Variants in EYA1 observed in about 807,000 individuals in gnomAD.
EYA1 encodes the protein EYA transcriptional coactivator and phosphatase 1, also known as protein phosphatase EYA1.
In EYA1, 16 loss-of-function variants were observed where a neutral mutation model predicts 82.0. That is an observed-to-expected ratio of 0.20 (90% CI 0.13 to 0.30). EYA1 has a LOEUF of 0.30. EYA1 is among the 10% of genes least tolerant of loss of function. The pLI, the probability that EYA1 is intolerant of heterozygous loss-of-function variation, is 1.00. For synonymous variants in EYA1, 261 were observed against 264.4 expected, an observed-to-expected ratio of 0.99 and a Z score of 0.12; for missense variants, 633 against 730.7, an observed-to-expected ratio of 0.87 and a Z score of 1.54.
chr8:71,396,285 A>G (rs1409822867), intron 2 of EYA1, among the ~76,000 whole-genome samples: 1 of 151,604 alleles, frequency 6.6e-6, no homozygotes, highest in Admixed American at 6.6e-5. Context: ...TTGTGTCTCT[A>G]TTTCCTTCAG....
intron 4 of EYA1, among the ~76,000 whole-genome samples, chr8:71,333,607 T>C (rs1824141886): frequency 6.6e-6 from 1 of 152,216 alleles, no homozygotes; most frequent in South Asian, 2.1e-4. Context: ...GTTTTATTAA[T>C]GTGAAGGAGA....
chr8:71,494,945 A>C (rs948215783), intron 2 of EYA1, among the ~76,000 whole-genome samples: 1 of 152,108 alleles, frequency 6.6e-6, no homozygotes, highest in Non-Finnish European at 1.5e-5. Context: ...CCTAAGCAAT[A>C]TAGTATTTAC....
At chr8:71,211,500 A>G (rs1808505484) in intron 16 of EYA1, among the ~76,000 whole-genome samples, 1 of 152,224 alleles carries the variant, frequency 6.6e-6, no homozygotes, top group South Asian at 2.1e-4. Context: ...CTCTCTTCCC[A>G]AGGACTCATT....
intron 17 of EYA1, among the ~76,000 whole-genome samples, chr8:71,204,830 G>A (rs1013290809): frequency 6.6e-6 from 1 of 152,144 alleles, no homozygotes; most frequent in Non-Finnish European, 1.5e-5. Flanking sequence ...ATTGTGCAAC[G>A]TTGCTCTTTT....
intron 4 of EYA1, among the ~76,000 whole-genome samples, chr8:71,324,403 G>A (rs1822924368): frequency 6.6e-6 from 1 of 152,076 alleles, no homozygotes; most frequent in African/African-American, 2.4e-5. Context: ...CTTCTATGTG[G>A]GCTTAGTCAA....
upstream of EYA1, chr8:71,362,155 C>CTTTTTTTTTTTTTTT (rs35320129): frequency 1.8e-5 from 15 of 824,596 alleles, no homozygotes; most frequent in African/African-American, 5.5e-5. Context: ...TCGGGGCTTT[C>CTTTTTTTTTTTTTTT]TTTTTTTTTT....
At chr8:71,305,004 C>G (rs1381584314) in intron 7 of EYA1, among the ~76,000 whole-genome samples, 1 of 142,918 alleles carries the variant, frequency 7.0e-6, no homozygotes, top group African/African-American at 2.5e-5. Flanking sequence ...ACACACCAGG[C>G]TTGAACCTGG....
At chr8:71,211,301 C>T (rs771115105) in intron 16 of EYA1, 45 bp from the exon 17 acceptor site, 1 of 1,285,078 alleles carries the variant, frequency 7.8e-7, no homozygotes, top group South Asian at 1.2e-5. Flanking sequence ...GTTTGGGTAA[C>T]CTAATGTGAC....
chr8:71,204,736 C>T (rs1249260060), intron 17 of EYA1, among the ~76,000 whole-genome samples: 1 of 152,158 alleles, frequency 6.6e-6, no homozygotes, highest in Non-Finnish European at 1.5e-5. Context: ...GCACATATAA[C>T]ATTTAGAAAG....
intron 2 of EYA1, among the ~76,000 whole-genome samples, chr8:71,491,686 G>C (rs1811006663): frequency 6.6e-6 from 1 of 152,186 alleles, no homozygotes; most frequent in Non-Finnish European, 1.5e-5. Flanking sequence ...TTTCTGTTGA[G>C]CCATCCAGTC....
At chr8:71,442,785 T>G (rs1481763252) in intron 2 of EYA1, among the ~76,000 whole-genome samples, 1 of 152,144 alleles carries the variant, frequency 6.6e-6, no homozygotes, top group Non-Finnish European at 1.5e-5. Flanking sequence ...TTGACCAAAA[T>G]CACAGAGTTA....
At chr8:71,232,727 T>C (rs772176352) in intron 12 of EYA1, among the ~76,000 whole-genome samples, 10 of 152,078 alleles carry the variant, frequency 6.6e-5, no homozygotes, top group Non-Finnish European at 1.5e-4. Flanking sequence ...GTTGGAATTC[T>C]ACAAGAGAAT....
intron 17 of EYA1, among the ~76,000 whole-genome samples, chr8:71,199,732 A>G (rs996919979): frequency 3.3e-5 from 5 of 152,230 alleles, no homozygotes; most frequent in Admixed American, 3.3e-4. Flanking sequence ...CAAATATGGC[A>G]GCTGTTCACG....
chr8:71,478,941 T>C (rs6985114), intron 2 of EYA1, among the ~76,000 whole-genome samples: 23,468 of 152,172 alleles, frequency 0.15, 3,202 homozygotes, highest in East Asian at 0.47. Flanking sequence ...TACAAGAGAA[T>C]ACTTATTCTT....
At chr8:71,211,841 CCTT>C (rs1808554121) in intron 16 of EYA1, among the ~76,000 whole-genome samples, 1 of 152,174 alleles carries the variant, frequency 6.6e-6, no homozygotes, top group African/African-American at 2.4e-5. Context: ...TTGTAAAACT[CCTT>C]CTCAAATAAA....
chr8:71,293,336 G>A (rs2128990664), intron 9 of EYA1, among the ~76,000 whole-genome samples: 1 of 152,116 alleles, frequency 6.6e-6, no homozygotes, highest in Non-Finnish European at 1.5e-5. Context: ...TGGGTTCCCT[G>A]GTAAATTTCA....
chr8:71,510,684 T>C (rs1311652356), intron 2 of EYA1, among the ~76,000 whole-genome samples: 4 of 152,110 alleles, frequency 2.6e-5, no homozygotes, highest in Non-Finnish European at 4.4e-5. Context: ...CCTTGACACA[T>C]AGGGGGTTAT....
intron 17 of EYA1, among the ~76,000 whole-genome samples, chr8:71,202,881 C>CA (rs1424913371): frequency 6.6e-6 from 1 of 152,178 alleles, no homozygotes; most frequent in Non-Finnish European, 1.5e-5. Flanking sequence ...GAGGAGGTGT[C>CA]AAACTCCTGT....
chr8:71,533,034 A>T (rs1814415699), intron 2 of EYA1, among the ~76,000 whole-genome samples: 1 of 152,214 alleles, frequency 6.6e-6, no homozygotes, highest in Admixed American at 6.5e-5. Flanking sequence ...CACACTGAGG[A>T]TTCCATTTGC....
Sources: gnomAD v4.1 joint callset for allele counts (sites outside exome capture counted in the v4.1 genomes callset) on GRCh38, gnomAD v4.1.1 for gene constraint, MANE v1.5 for transcripts, NCBI Gene and HGNC (gene_info 2026-07-23, HGNC 2026-07-21) for gene names.